RIMS2: variants seen among roughly 807,000 people sequenced by gnomAD.
RIMS2 encodes the protein regulating synaptic membrane exocytosis protein 2.
In RIMS2, 59 loss-of-function variants were observed where a neutral mutation model predicts 174.4. That is an observed-to-expected ratio of 0.34 (90% CI 0.27 to 0.42). The LOEUF is 0.42. Among genes scored for constraint, RIMS2 ranks in the 10% least tolerant of loss-of-function variants. The probability of loss-of-function intolerance (pLI) is 1.00; values close to 1 mark genes in which losing one functional copy is unlikely to be tolerated. For synonymous variants in RIMS2, 606 were observed against 572.5 expected, an observed-to-expected ratio of 1.06 and a Z score of -0.84; for missense variants, 1,620 against 1,666.3, an observed-to-expected ratio of 0.97 and a Z score of 0.48.
At chr8:103,500,915 G>A in exon 1 of RIMS2, 1 of 1,605,326 alleles carries the variant, frequency 6.2e-7, no homozygotes, top group Non-Finnish European at 8.5e-7. Flanking sequence ...CCCCGGGGCC[G>A]CCTGGCTCCC....
At chr8:103,664,329 A>G (rs963059164) in intron 1 of RIMS2, among the ~76,000 whole-genome samples, 2 of 152,348 alleles carry the variant, frequency 1.3e-5, no homozygotes, top group African/African-American at 4.8e-5. Context: ...AACTATCATC[A>G]GAGTGAACAG....
chr8:103,725,832 A>T (rs1017172184), intron 2 of RIMS2, among the ~76,000 whole-genome samples: 1 of 152,176 alleles, frequency 6.6e-6, no homozygotes, highest in South Asian at 2.1e-4. Flanking sequence ...CCAAATATGA[A>T]CACTCTGGTT....
intron 19 of RIMS2, among the ~76,000 whole-genome samples, chr8:104,197,831 A>T (rs79212074): frequency 9.9e-4 from 150 of 152,092 alleles, no homozygotes; most frequent in African/African-American, 3.2e-3. Flanking sequence ...TCTAAGTCTG[A>T]TTTCTATTTA....
chr8:103,520,819 T>C (rs1253661115), intron 1 of RIMS2, among the ~76,000 whole-genome samples: 2 of 152,086 alleles, frequency 1.3e-5, no homozygotes, highest in Non-Finnish European at 2.9e-5. Context: ...GAAATCACCA[T>C]CTTTCAAATA....
chr8:104,079,598 GATAT>G (rs5893676), intron 19 of RIMS2, among the ~76,000 whole-genome samples: 976 of 50,770 alleles, frequency 0.019, 5 homozygotes, highest in African/African-American at 0.021. Flanking sequence ...GATTAAGCAT[GATAT>G]ATATATATAT....
At chr8:103,521,297 T>TA (rs1234269889) in intron 1 of RIMS2, among the ~76,000 whole-genome samples, 6 of 151,710 alleles carry the variant, frequency 4.0e-5, no homozygotes, top group Admixed American at 1.3e-4. Flanking sequence ...ATAATAAAAT[T>TA]AAAAAAAACC....
At chr8:103,782,241 A>G (rs1302730815) in intron 3 of RIMS2, among the ~76,000 whole-genome samples, 1 of 151,736 alleles carries the variant, frequency 6.6e-6, no homozygotes, top group Non-Finnish European at 1.5e-5. Context: ...ACCATACTAT[A>G]TATTGTATTT....
At chr8:103,602,433 T>A (rs1175893954) in intron 1 of RIMS2, among the ~76,000 whole-genome samples, 2 of 151,782 alleles carry the variant, frequency 1.3e-5, no homozygotes, top group Non-Finnish European at 2.9e-5. Flanking sequence ...TAGGTATTTT[T>A]TTTCCTGATC....
chr8:104,224,403 G>C (rs563524044), intron 19 of RIMS2, among the ~76,000 whole-genome samples: 95 of 152,300 alleles, frequency 6.2e-4, no homozygotes, highest in African/African-American at 2.2e-3. Context: ...TTCACCAGTT[G>C]ATTTGGAGTT....
At position 103,693,998 on chromosome 8, in the gene RIMS2, G is replaced by A. The variant is rs1398652743; in HGVS notation, c.177-3088G>A. Among the ~76,000 whole-genome samples the A allele has an allele frequency of 3.9e-5, 6 of 152,254 alleles. No homozygotes were observed. In the South Asian group the frequency reaches 1.2e-3, roughly 32 times the overall value. ...GACCTGGTGCTTGGTTGGTCCTGGG[G>A]CCCGAGTCTTTTAGGGTGGAACTTG... On this transcript the variant is annotated intron_variant, in intron 1 of 23. Coordinates refer to ENST00000504942, the Ensembl canonical transcript of RIMS2.
At chr8:103,811,815 T>C (rs1307371452) in intron 3 of RIMS2, among the ~76,000 whole-genome samples, 1 of 152,222 alleles carries the variant, frequency 6.6e-6, no homozygotes, top group Non-Finnish European at 1.5e-5. Context: ...TAAAGCAACC[T>C]AGTAATACTT....
intron 2 of RIMS2, among the ~76,000 whole-genome samples, chr8:103,758,941 G>A (rs995187042): frequency 3.9e-5 from 6 of 152,154 alleles, no homozygotes; most frequent in Admixed American, 6.5e-5. Flanking sequence ...TGGGAAGACT[G>A]AAGCTCATTA....
intron 10 of RIMS2, among the ~76,000 whole-genome samples, chr8:103,924,231 T>C (rs561620012): frequency 1.3e-5 from 2 of 151,884 alleles, no homozygotes; most frequent in Non-Finnish European, 3.0e-5. Flanking sequence ...GAAATGATTT[T>C]ACCTAATTAA....
In RIMS2 at chr8:103,550,060, T is replaced by G. The variant is rs369394110; in HGVS notation, c.176+48998T>G. On this transcript the variant is annotated intron_variant, in intron 1 of 23. Transcript: ENST00000504942. ...TAGACAGATCAACGAGAGAGAAAGTTAACAAGGATATCCAGGAATTGAACT... is the reference window on the plus strand; with the variant it reads ...TAGACAGATCAACGAGAGAGAAAGTGAACAAGGATATCCAGGAATTGAACT... Among the ~76,000 whole-genome samples, 7 of 152,052 alleles carry G rather than the reference T, an allele frequency of 4.6e-5. No homozygotes were observed. In the East Asian group the frequency reaches 1.2e-3, roughly 25 times the overall value.
chr8:104,004,711 G>C (rs942923940), intron 17 of RIMS2, among the ~76,000 whole-genome samples: 2 of 152,056 alleles, frequency 1.3e-5, no homozygotes, highest in Non-Finnish European at 2.9e-5. Context: ...CAAAAATACA[G>C]AAAAAAGACA....
intron 2 of RIMS2, among the ~76,000 whole-genome samples, chr8:103,742,259 AC>A (rs1002341684): frequency 6.6e-6 from 1 of 152,054 alleles, no homozygotes; most frequent in African/African-American, 2.4e-5. Context: ...TAAAACCAAA[AC>A]AACCTAAATG....
At chr8:103,705,771 AT>A (rs1410634985) in intron 2 of RIMS2, among the ~76,000 whole-genome samples, 1 of 150,576 alleles carries the variant, frequency 6.6e-6, no homozygotes, top group African/African-American at 2.4e-5. Context: ...TACATGGAAT[AT>A]CTTTTCCATG....
rs538181126 is a variant in RIMS2, at chr8:104,135,232, A to T, written c.3335-109684A>T. Among the ~76,000 whole-genome samples the T allele has an allele frequency of 3.6e-4, 55 of 152,252 alleles. 2 individuals are homozygous for T. In the South Asian group the frequency reaches 0.01, roughly 28 times the overall value. On this transcript the variant is annotated intron_variant, in intron 19 of 23. Transcript: ENST00000504942. ...TATTGTATGAGTGGGGAGAACATAT[A>T]TGCTGTAATTTTGAGGCCAATGATA...
At chr8:103,514,716 A>T (rs1392163673) in intron 1 of RIMS2, among the ~76,000 whole-genome samples, 1 of 151,992 alleles carries the variant, frequency 6.6e-6, no homozygotes, top group African/African-American at 2.4e-5. Context: ...TTGACGAGAA[A>T]CTCTTAAAGT....
Sources: gnomAD v4.1 joint callset for allele counts (sites outside exome capture counted in the v4.1 genomes callset) on GRCh38, gnomAD v4.1.1 for gene constraint, MANE v1.5 for transcripts, NCBI Gene and HGNC (gene_info 2026-07-23, HGNC 2026-07-21) for gene names.